SH3D19: variants seen among roughly 807,000 people sequenced by gnomAD.
The protein encoded by SH3D19 is SH3 domain containing 19.
A neutral mutation model predicts 112.1 loss-of-function variants in SH3D19; 58 were observed. The ratio of observed to expected loss-of-function variants is 0.52; its 90% CI spans 0.42 to 0.64. The LOEUF (loss-of-function observed/expected upper bound fraction) is 0.64, where lower values mean the gene tolerates loss of function less well. Ranked by LOEUF, SH3D19 falls within the 30% of genes least tolerant of loss-of-function variation. The probability of loss-of-function intolerance (pLI) is 0.00; values close to 1 mark genes in which losing one functional copy is unlikely to be tolerated. For synonymous variants in SH3D19, 391 were observed against 448.5 expected (o/e 0.87, Z 1.62); for missense variants, 1,090 against 1,263.4 (o/e 0.86, Z 2.08).
chr4:151,203,332 A>G (rs899300205), intron 2 of SH3D19, among the ~76,000 whole-genome samples: 1 of 152,236 alleles, frequency 6.6e-6, no homozygotes, highest in African/African-American at 2.4e-5. Flanking sequence ...AACAGTGTGA[A>G]GATCACCAAT....
chr4:151,275,324 T>G (rs1249837940), intron 1 of SH3D19, among the ~76,000 whole-genome samples: 2 of 152,142 alleles, frequency 1.3e-5, no homozygotes, highest in Non-Finnish European at 2.9e-5. Context: ...CCTGACCTCG[T>G]GACCCACCCG....
At chr4:151,308,898 C>A (rs1214960359) in intron 1 of SH3D19, among the ~76,000 whole-genome samples, 1 of 152,116 alleles carries the variant, frequency 6.6e-6, no homozygotes, top group Non-Finnish European at 1.5e-5. Flanking sequence ...AGACGTCTTG[C>A]TCTGTCACCC....
chr4:151,149,784 C>T (rs1015332906), intron 9 of SH3D19, among the ~76,000 whole-genome samples: 32 of 152,152 alleles, frequency 2.1e-4, no homozygotes, highest in African/African-American at 7.7e-4. Context: ...AGAAACCAGT[C>T]TCCTGTTGTG....
chr4:151,139,624 G>C, intron 13 of SH3D19, 151 bp downstream of exon 13: 2 of 637,270 alleles, frequency 3.1e-6, no homozygotes, highest in Non-Finnish European at 5.4e-6. Flanking sequence ...CCTTCTTGAA[G>C]TGGAGTCCTG....
chr4:151,240,426 G>A (rs1342255619), intron 1 of SH3D19, among the ~76,000 whole-genome samples: 2 of 150,704 alleles, frequency 1.3e-5, no homozygotes, highest in Non-Finnish European at 3.0e-5. Flanking sequence ...AAAAAAAAAA[G>A]TCAAGGGAAG....
chr4:151,188,160 T>C (rs1391704748), intron 2 of SH3D19, among the ~76,000 whole-genome samples: 4 of 152,200 alleles, frequency 2.6e-5, no homozygotes, highest in African/African-American at 9.6e-5. Flanking sequence ...TTTCTGTTCA[T>C]TATAAATTAC....
At chr4:151,255,544 T>G in intron 1 of SH3D19, among the ~76,000 whole-genome samples, 1 of 139,902 alleles carries the variant, frequency 7.1e-6, no homozygotes, top group Non-Finnish European at 1.5e-5. Context: ...CTTTCCAGAC[T>G]GGGCAGCCAG....
At chr4:151,243,761 C>CA (rs1048836936) in intron 1 of SH3D19, among the ~76,000 whole-genome samples, 10 of 152,010 alleles carry the variant, frequency 6.6e-5, no homozygotes, top group African/African-American at 9.7e-5. Context: ...CTGGACATTC[C>CA]AAAAAAACTA....
intron 19 of SH3D19, among the ~76,000 whole-genome samples, chr4:151,122,523 A>ACACC (rs770449078): frequency 5.3e-5 from 8 of 151,610 alleles, no homozygotes; most frequent in Non-Finnish European, 1.2e-4. Context: ...ACACACACAC[A>ACACC]CACACACACA....
intron 1 of SH3D19, among the ~76,000 whole-genome samples, chr4:151,254,716 T>C (rs1359161400): frequency 1.3e-5 from 2 of 150,416 alleles, no homozygotes; most frequent in Admixed American, 6.6e-5. Flanking sequence ...CTCCCATGTC[T>C]ACTTCTTTCT....
At chr4:151,294,526 C>T (rs1032015419) in intron 1 of SH3D19, among the ~76,000 whole-genome samples, 3 of 152,200 alleles carry the variant, frequency 2.0e-5, no homozygotes, top group Non-Finnish European at 4.4e-5. Flanking sequence ...ACAACAGTTG[C>T]CCAGGGGGTG....
rs748929798 is a variant in SH3D19 at position 151,137,882 on chromosome 4, T to C, written c.2297-20A>G. 7.6e-6 allele frequency: 12 copies of C among 1,573,152 alleles called. No individual in the cohort carries two copies. The Admixed American group carries it at 9.8e-5, about 13-fold the overall frequency. ...CTTGCTCTGTAATATAAAATTATAG[T>C]TATGTATGATGAATCATCCTGGTTG... On this transcript the variant is annotated intron_variant, in intron 13 of 19. Coordinates refer to ENST00000604030, the MANE Select transcript of SH3D19 (RefSeq NM_001378122.1).
In SH3D19 at chr4:151,121,496, GTAACA is replaced by G. The variant is rs1351097229; in HGVS notation, c.*590_*594del. ...TCCTTAGACAAATGGGAATCACTTG[GTAACA>G]TAAAGATTATTTTGGTGGGCAGGGG... On this transcript the variant is annotated 3_prime_UTR_variant, in exon 20 of 20. Transcript: ENST00000604030. 6.6e-6 allele frequency: 1 copy of G among 152,482 alleles called. No homozygotes were observed. The highest frequency in any genetic ancestry group is 1.5e-5 in the Non-Finnish European group (1 of 68,030). 9.4% of individuals were successfully genotyped at this position (152,482 alleles called of 1,614,324 possible).
chr4:151,139,690 T>C, intron 13 of SH3D19, 85 bp downstream of exon 13: 1 of 1,174,296 alleles, frequency 8.5e-7, no homozygotes, highest in Non-Finnish European at 1.2e-6. Context: ...TGAAGAAGGA[T>C]GTCCTTGAGA....
At chr4:151,226,112 G>T in intron 1 of SH3D19, 26 bp from the exon 2 acceptor site, 1 of 1,231,158 alleles carries the variant, frequency 8.1e-7, no homozygotes. Context: ...ATGGTTACGT[G>T]TCAAAAGGTT....
intron 1 of SH3D19, among the ~76,000 whole-genome samples, chr4:151,290,342 C>T (rs1203313963): frequency 6.6e-6 from 1 of 152,168 alleles, no homozygotes; most frequent in African/African-American, 2.4e-5. Context: ...TACATCCATA[C>T]AATGGAATAT....
chr4:151,153,845 A>G (rs1755547228), intron 9 of SH3D19, among the ~76,000 whole-genome samples: 1 of 152,238 alleles, frequency 6.6e-6, no homozygotes, highest in African/African-American at 2.4e-5. Flanking sequence ...AAACACAATT[A>G]TGAATATGGT....
At chr4:151,318,162 A>T (rs1295430304) in intron 1 of SH3D19, among the ~76,000 whole-genome samples, 3 of 151,068 alleles carry the variant, frequency 2.0e-5, no homozygotes, top group East Asian at 3.9e-4. Context: ...TTAGCCGGGC[A>T]TGGTGGCACG....
intron 1 of SH3D19, among the ~76,000 whole-genome samples, chr4:151,273,373 G>A (rs918242392): frequency 2.6e-5 from 4 of 151,842 alleles, no homozygotes; most frequent in East Asian, 1.9e-4. Flanking sequence ...GGTGGATCAC[G>A]AGGTCAGGAG....
Sources: allele counts gnomAD v4.1 joint callset (sites outside exome capture counted in the v4.1 genomes callset), GRCh38; gene constraint gnomAD v4.1.1; transcripts MANE v1.5; gene names NCBI Gene and HGNC (gene_info 2026-07-23, HGNC 2026-07-21).